Variants in POLB observed in about 807,000 individuals in gnomAD.
POLB encodes DNA polymerase beta.
Under a neutral mutation model 52.7 loss-of-function variants are expected in POLB, and 37 were observed. That is an observed-to-expected ratio of 0.70 (90% CI 0.54 to 0.92). The LOEUF is 0.92. POLB is among the 40% of genes least tolerant of loss of function. The probability of loss-of-function intolerance (pLI) is 0.00; values close to 1 mark genes in which losing one functional copy is unlikely to be tolerated. For synonymous variants in POLB, 138 were observed against 131.3 expected (o/e 1.05, Z -0.35); for missense variants, 313 against 400.8 (o/e 0.78, Z 1.87).
At chr8:42,343,432 C>T (rs1231561462) in intron 2 of POLB, among the ~76,000 whole-genome samples, 1 of 137,860 alleles carries the variant, frequency 7.3e-6, no homozygotes, top group Admixed American at 7.8e-5. Flanking sequence ...GAGGCTAAGG[C>T]AGGATAATTG....
intron 9 of POLB, among the ~76,000 whole-genome samples, chr8:42,360,525 T>TTACA (rs1823608885): frequency 1.3e-5 from 2 of 152,158 alleles, no homozygotes; most frequent in South Asian, 4.1e-4. Context: ...TTTTAGTAGT[T>TTACA]TACATATAAG....
chr8:42,359,423 C>T (rs3136760), intron 9 of POLB, among the ~76,000 whole-genome samples: 217 of 151,854 alleles, frequency 1.4e-3, no homozygotes, highest in Admixed American at 4.2e-3. Context: ...GGCGTGATCT[C>T]GGCTCACTGC....
intron 11 of POLB, 28 bp downstream of exon 11, chr8:42,362,726 T>TAAA: frequency 7.7e-7 from 1 of 1,291,516 alleles, no homozygotes; most frequent in Admixed American, 1.8e-5. Context: ...TTAGCACATC[T>TAAA]AAAAAAAAAC....
intron 5 of POLB, among the ~76,000 whole-genome samples, chr8:42,350,935 A>G (rs911983747): frequency 1.3e-5 from 2 of 151,442 alleles, no homozygotes; most frequent in Admixed American, 1.3e-4. Context: ...CAGTGGTGCT[A>G]TTATAGCTCA....
chr8:42,358,502 C>CA (rs112102844), intron 9 of POLB, among the ~76,000 whole-genome samples: 2,098 of 146,244 alleles, frequency 0.014, 51 homozygotes, highest in African/African-American at 0.049. Context: ...ACTCCATCTC[C>CA]AAAAAAAAAA....
At chr8:42,371,497 T>G (rs1824393313) in intron 13 of POLB, 66 bp from the exon 14 acceptor site, 1 of 819,004 alleles carries the variant, frequency 1.2e-6, no homozygotes, top group East Asian at 2.6e-5. Flanking sequence ...GCTCTTAATC[T>G]TGAACCCTCT....
In POLB at chr8:42,370,042, T is replaced by G. The variant is rs192499145; in HGVS notation, c.913+54T>G. On this transcript the variant is annotated intron_variant, in intron 13 of 13. Transcript: ENST00000265421. Reference sequence around the variant, plus strand: ...ATCTCTCATCTGGAGAGAAGGTTATTTTCAAAGATACTTTGGTTTAGCAAA... The same window carrying G: ...ATCTCTCATCTGGAGAGAAGGTTATGTTCAAAGATACTTTGGTTTAGCAAA... 113 of 1,445,018 alleles carry G rather than the reference T, an allele frequency of 7.8e-5. No individual in the cohort carries two copies. In the East Asian group the frequency reaches 1.7e-3, roughly 22 times the overall value. The allele number at this position is 1,445,018 out of a possible 1,614,324, so 89.5% of individuals were successfully genotyped here. A position where few individuals can be genotyped will look rare whatever the true frequency, so the allele number is the denominator to read the frequency against.
At chr8:42,340,981 A>C (rs964160978) in intron 2 of POLB, among the ~76,000 whole-genome samples, 1 of 152,220 alleles carries the variant, frequency 6.6e-6, no homozygotes, top group African/African-American at 2.4e-5. Context: ...GTCTAGACAA[A>C]TAAAATGTGC....
At chr8:42,347,802 TATGCTTTCA>T (rs1299345029) in intron 3 of POLB, among the ~76,000 whole-genome samples, 3 of 152,210 alleles carry the variant, frequency 2.0e-5, no homozygotes, top group Non-Finnish European at 4.4e-5. Context: ...CAAACTTGAA[TATGCTTTCA>T]GTAATTTGGG....
intron 4 of POLB, 72 bp downstream of exon 4, chr8:42,349,162 G>A (rs1822811029): frequency 1.2e-6 from 1 of 825,398 alleles, no homozygotes. Context: ...CGTCATTGCA[G>A]GGTGACCAAT....
At chr8:42,361,251 T>TA (rs750136768) in intron 9 of POLB, 44 bp from the exon 10 acceptor site, 1 of 1,403,226 alleles carries the variant, frequency 7.1e-7, no homozygotes. Context: ...GCCCAATTGA[T>TA]ACATTTACAT....
chr8:42,352,364 G>A (rs1013392773), intron 5 of POLB, among the ~76,000 whole-genome samples, 155 bp from the exon 6 acceptor site: 11 of 152,132 alleles, frequency 7.2e-5, no homozygotes, highest in African/African-American at 1.4e-4. Flanking sequence ...TCAATAATTC[G>A]TACTTCGGAT....
At chr8:42,370,634 T>C (rs192775111) in intron 13 of POLB, among the ~76,000 whole-genome samples, 49 of 152,264 alleles carry the variant, frequency 3.2e-4, no homozygotes, top group Non-Finnish European at 4.7e-4. Flanking sequence ...CAGATTCTAA[T>C]TCCTTTGGCT....
chr8:42,349,126 T>C lies in POLB; in HGVS notation c.261+36T>C, dbSNP rs777563763. 7 of 1,147,400 alleles carry C rather than the reference T, an allele frequency of 6.1e-6. No individual in the cohort carries two copies. The African/African-American group carries it at 1.1e-4, about 18-fold the overall frequency. The allele number at this position is 1,147,400 out of a possible 1,614,324, so 71.1% of individuals were successfully genotyped here. ...AACTTGTTTACTTCATTAATTATAG[T>C]ATCTGCCTTTATGGCCACTATGTAG... On this transcript the variant is annotated intron_variant, in intron 4 of 13. Coordinates refer to ENST00000265421, the MANE Select transcript of POLB (RefSeq NM_002690.3).
Position 42,338,547 on chromosome 8 carries a change from C to T in POLB, c.-78C>T, listed in dbSNP as rs1821986061. On this transcript the variant is annotated 5_prime_UTR_variant, in exon 1 of 14. Coordinates refer to ENST00000265421, the MANE Select transcript of POLB (RefSeq NM_002690.3). ...GTTGCTCCTGCTCCCGTCTCCAAGT[C>T]CTGGTACCTCCTTCAAGCTGGGAGA... 7.6e-7 allele frequency: 1 copy of T among 1,313,074 alleles called. No individual in the cohort carries two copies. The highest frequency in any genetic ancestry group is 1.4e-5 in the African/African-American group (1 of 69,122). 81.3% of individuals were successfully genotyped at this position (1,313,074 alleles called of 1,614,324 possible).
At chr8:42,348,887 G>T in intron 3 of POLB, 129 bp from the exon 4 acceptor site, 1 of 524,942 alleles carries the variant, frequency 1.9e-6, no homozygotes. Context: ...TCAATTTTCT[G>T]TGTCCTTTAT....
At chr8:42,368,317 T>C (rs1291402441) in intron 11 of POLB, among the ~76,000 whole-genome samples, 2 of 152,228 alleles carry the variant, frequency 1.3e-5, no homozygotes, top group Non-Finnish European at 2.9e-5. Flanking sequence ...TTTCATATTT[T>C]GAAGGTAAAC....
At chr8:42,342,398 C>A (rs1022968335) in intron 2 of POLB, 1 of 1,455,516 alleles carries the variant, frequency 6.9e-7, no homozygotes, top group South Asian at 1.1e-5. Flanking sequence ...AGTTCGTGTG[C>A]ATATGCTGCG....
Position 42,356,261 on chromosome 8 carries a change from C to T in POLB, c.422+694C>T, listed in dbSNP as rs3136754. Among the ~76,000 whole-genome samples, 365 of 152,300 alleles carry T rather than the reference C, an allele frequency of 2.4e-3. 10 individuals carry two copies. The East Asian group carries it at 0.062, about 26-fold the overall frequency. On this transcript the variant is annotated intron_variant, in intron 7 of 13. Coordinates refer to ENST00000265421, the MANE Select transcript of POLB (RefSeq NM_002690.3). ...ATACTCCCATTCCAAAATCTTGAGC[C>T]AGTGAGAGACCTGGATGGTATGGTT...
Sources: gnomAD v4.1 joint callset for allele counts (sites outside exome capture counted in the v4.1 genomes callset) on GRCh38, gnomAD v4.1.1 for gene constraint, MANE v1.5 for transcripts, NCBI Gene and HGNC (gene_info 2026-07-23, HGNC 2026-07-21) for gene names.